Variants in RELN observed in about 807,000 individuals in gnomAD.
RELN encodes the protein reelin.
RELN carries 108 observed loss-of-function variants against 427.6 expected under a neutral mutation model. The observed-to-expected ratio is 0.25, with a 90% CI of 0.22 to 0.30. RELN has a LOEUF of 0.30. Ranked by LOEUF, RELN falls within the 10% of genes least tolerant of loss-of-function variation. The probability of loss-of-function intolerance (pLI) is 1.00; values close to 1 mark genes in which losing one functional copy is unlikely to be tolerated. For missense variants in RELN, 3,715 were observed against 4,302.8 expected (o/e 0.86, Z 3.82); for synonymous variants, 1,524 against 1,513.4 (o/e 1.01, Z -0.16).
intron 28 of RELN, 72 bp from the exon 29 acceptor site, chr7:103,575,777 T>G (rs1354318895): frequency 1.3e-6 from 2 of 1,521,420 alleles, no homozygotes; most frequent in African/African-American, 2.7e-5. Flanking sequence ...ATAGAAAAAT[T>G]CAGAAAAACT....
At chr7:103,733,988 T>C (rs376462474) in intron 6 of RELN, among the ~76,000 whole-genome samples, 13 of 152,278 alleles carry the variant, frequency 8.5e-5, no homozygotes, top group African/African-American at 3.1e-4. Flanking sequence ...GAAATTCTAC[T>C]CTTCCTTTAT....
intron 3 of RELN, among the ~76,000 whole-genome samples, chr7:103,781,177 C>T (rs1791879154): frequency 6.6e-6 from 1 of 152,024 alleles, no homozygotes. Context: ...AACACAGGCT[C>T]CCTTGCTTTA....
At chr7:103,654,068 T>A in intron 13 of RELN, 25 bp downstream of exon 13, 1 of 1,362,556 alleles carries the variant, frequency 7.3e-7, no homozygotes, top group South Asian at 1.2e-5. Context: ...GGTGGTCTAT[T>A]TGCCACACAG....
intron 6 of RELN, among the ~76,000 whole-genome samples, chr7:103,746,251 T>C (rs1790827972): frequency 6.6e-6 from 1 of 152,192 alleles, no homozygotes; most frequent in East Asian, 1.9e-4. Flanking sequence ...CCTTACATCT[T>C]ATGCAAAAAT....
At chr7:103,495,632 G>C (rs1471915022) in intron 57 of RELN, 91 bp downstream of exon 57, 1 of 1,215,194 alleles carries the variant, frequency 8.2e-7, no homozygotes, top group Non-Finnish European at 1.2e-6. Flanking sequence ...AATAATATCA[G>C]TCATTTCCTT....
intron 8 of RELN, among the ~76,000 whole-genome samples, chr7:103,703,545 G>A (rs1187407535): frequency 6.6e-6 from 1 of 152,184 alleles, no homozygotes; most frequent in Non-Finnish European, 1.5e-5. Context: ...CTTAGGGAGT[G>A]AGGAGGGAAT....
Position 103,483,763 on chromosome 7 carries a change from C to A in RELN, c.10071G>T (p.Lys3357Asn). The A allele has an allele frequency of 1.9e-6, 3 of 1,614,124 alleles. No individual in the cohort carries two copies. The highest frequency in any genetic ancestry group is 2.5e-6 in the Non-Finnish European group (3 of 1,179,948). Residue 3357 changes from lysine to asparagine, a missense_variant, in exon 62 of 65, where the codon AAG (lysine) becomes AAT (asparagine). Coordinates refer to ENST00000428762, the MANE Select transcript of RELN (RefSeq NM_005045.4). ...TGACGCTGTATTGCAGCAGCACTGCCTTGTCCACAGCGTGGGGGCCACTCA... is the reference window on the plus strand; with the variant it reads ...TGACGCTGTATTGCAGCAGCACTGCATTGTCCACAGCGTGGGGGCCACTCA... ...SDLSGPHAVD[K>N]AVLLQYSVNN...
rs879152312 is a variant in RELN at position 103,542,955 on chromosome 7, G to C, written c.6524-77C>G. 3.7e-6 allele frequency: 5 copies of C among 1,363,480 alleles called. No individual in the cohort carries two copies. In the South Asian group the frequency reaches 4.8e-5, roughly 13 times the overall value. The allele number at this position is 1,363,480 out of a possible 1,614,324, so 84.5% of individuals were successfully genotyped here. A position where few individuals can be genotyped will look rare whatever the true frequency, so the allele number is the denominator to read the frequency against. On this transcript the variant is annotated intron_variant, in intron 42 of 64. Coordinates refer to ENST00000428762, the MANE Select transcript of RELN (RefSeq NM_005045.4). ...GTATTATATTTTTAAAAGGAGTATG[G>C]TAAATGCATTATGTAGTTTCAAAAT...
intron 2 of RELN, among the ~76,000 whole-genome samples, chr7:103,868,190 A>C (rs1377214803): frequency 6.6e-6 from 1 of 152,102 alleles, no homozygotes; most frequent in Non-Finnish European, 1.5e-5. Context: ...ATCTCTTCTT[A>C]ATCACTAAAA....
At chr7:103,601,115 T>TGC (rs1831656678) in intron 24 of RELN, among the ~76,000 whole-genome samples, 1 of 56,684 alleles carries the variant, frequency 1.8e-5, no homozygotes, top group Admixed American at 1.5e-4. Flanking sequence ...CATGTTAAAA[T>TGC]GTGTGTGTGT....
chr7:103,771,555 C>T (rs1791569662), intron 4 of RELN, among the ~76,000 whole-genome samples: 1 of 152,190 alleles, frequency 6.6e-6, no homozygotes, highest in African/African-American at 2.4e-5. Context: ...CTCTGCAACT[C>T]CCTCAGAGCC....
At chr7:103,735,722 ACAGT>A (rs1790474910) in intron 6 of RELN, among the ~76,000 whole-genome samples, 1 of 152,172 alleles carries the variant, frequency 6.6e-6, no homozygotes, top group Admixed American at 6.6e-5. Context: ...AAACTCACTG[ACAGT>A]CAGTTATCAT....
intron 15 of RELN, among the ~76,000 whole-genome samples, chr7:103,651,279 T>C (rs1832908398): frequency 1.3e-5 from 2 of 152,072 alleles, no homozygotes; most frequent in South Asian, 4.1e-4. Flanking sequence ...AAGTGGAAAG[T>C]CAGGGAGAGT....
At chr7:103,963,584 A>G (rs1014314537) in intron 1 of RELN, among the ~76,000 whole-genome samples, 4 of 152,190 alleles carry the variant, frequency 2.6e-5, no homozygotes, top group African/African-American at 7.2e-5. Flanking sequence ...GCTTTTAACT[A>G]TATCTTTTTT....
intron 46 of RELN, among the ~76,000 whole-genome samples, chr7:103,524,007 T>C (rs1161229690): frequency 6.6e-6 from 1 of 152,210 alleles, no homozygotes; most frequent in Admixed American, 6.5e-5. Flanking sequence ...ACAGAAAACA[T>C]TGTTTATAGT....
chr7:103,725,507 G>A (rs1026235291), intron 7 of RELN, among the ~76,000 whole-genome samples: 2 of 133,592 alleles, frequency 1.5e-5, no homozygotes, highest in Admixed American at 1.5e-4. Context: ...GGTCAGGGCT[G>A]CAGTGAGCCA....
chr7:103,728,436 C>A (rs1486687566), intron 6 of RELN, among the ~76,000 whole-genome samples: 1 of 152,092 alleles, frequency 6.6e-6, no homozygotes, highest in Admixed American at 6.6e-5. Context: ...AGTTACTTAA[C>A]CTTCCAAAGT....
chr7:103,737,070 A>T (rs992780024), intron 6 of RELN, among the ~76,000 whole-genome samples: 1 of 152,126 alleles, frequency 6.6e-6, no homozygotes, highest in Non-Finnish European at 1.5e-5. Context: ...AGAAAGATTC[A>T]TATATGATCA....
At chr7:103,938,281 T>C (rs1221612124) in intron 1 of RELN, among the ~76,000 whole-genome samples, 4 of 151,894 alleles carry the variant, frequency 2.6e-5, no homozygotes, top group Admixed American at 6.6e-5. Context: ...GATTGCGCCA[T>C]TGCACTCCAT....
Sources: allele counts gnomAD v4.1 joint callset (sites outside exome capture counted in the v4.1 genomes callset), GRCh38; gene constraint gnomAD v4.1.1; transcripts MANE v1.5; gene names NCBI Gene and HGNC (gene_info 2026-07-23, HGNC 2026-07-21).